Variants in LMX1A observed in about 807,000 individuals in gnomAD.
LMX1A encodes the protein LIM homeobox transcription factor 1-alpha.
In LMX1A, 15 loss-of-function variants were observed where a neutral mutation model predicts 49.1. The ratio of observed to expected loss-of-function variants is 0.31; its 90% CI spans 0.20 to 0.47. The LOEUF (loss-of-function observed/expected upper bound fraction) is 0.47, where lower values mean the gene tolerates loss of function less well. Ranked by LOEUF, LMX1A falls within the 20% of genes least tolerant of loss-of-function variation. LMX1A has a pLI of 1.00. For missense variants in LMX1A, 372 were observed against 475.8 expected, an observed-to-expected ratio of 0.78 and a Z score of 2.03; for synonymous variants, 167 against 185.7, an observed-to-expected ratio of 0.90 and a Z score of 0.82.
rs146395249 is a variant in LMX1A, at chr1:165,210,702, C to T, written c.744G>A (p.Ala248=). ...ATAAAAGTAAGAAGCAGGTTACCTT[C>T]GCTCTCTGGTTTTGGAACCACACCT... is the stretch of plus-strand genomic sequence containing the variant. ...VVQVWFQNQR[A]KMKKLARRQQ... is the part of the protein sequence containing the mutation. Residue 248 remains alanine (A), a synonymous_variant, in exon 6 of 9, where the codon GCG becomes GCA. Transcript: ENST00000342310. 1.4e-3 allele frequency: 2,189 copies of T among 1,612,230 alleles called. 3 individuals are homozygous for T. Among genetic ancestry groups the T allele is most frequent in the Middle Eastern group, 3.1e-3 (19 of 6,056 alleles).
At chr1:165,317,208 C>T (rs1557882536) in intron 3 of LMX1A, among the ~76,000 whole-genome samples, 1 of 151,968 alleles carries the variant, frequency 6.6e-6, no homozygotes, top group Non-Finnish European at 1.5e-5. Flanking sequence ...AGGTGAAACC[C>T]CAATAGTTCC....
intron 3 of LMX1A, among the ~76,000 whole-genome samples, chr1:165,349,499 ATGT>A (rs912752785): frequency 1.3e-5 from 2 of 152,222 alleles, no homozygotes; most frequent in African/African-American, 2.4e-5. Flanking sequence ...AATTGTGTAA[ATGT>A]TGTCATCCCA....
chr1:165,266,087 G>A (rs979818321), intron 3 of LMX1A, among the ~76,000 whole-genome samples: 1 of 152,156 alleles, frequency 6.6e-6, no homozygotes, highest in Non-Finnish European at 1.5e-5. Flanking sequence ...GAATATAACA[G>A]TAAACACACT....
At position 165,211,051 on chromosome 1, in the gene LMX1A, C is replaced by G. The variant is rs77720442; in HGVS notation, c.670-275G>C. The G allele has an allele frequency of 1.0e-2, 3,284 of 329,264 alleles. 18 individuals carry two copies. The highest frequency in any genetic ancestry group is 0.015 in the Non-Finnish European group (2,635 of 181,250). 20.4% of individuals were successfully genotyped at this position (329,264 alleles called of 1,614,324 possible). On this transcript the variant is annotated intron_variant, in intron 5 of 8. Transcript: ENST00000342310. ...GATTTCTCTTGCTCTGGAAATTAGG[C>G]CTTCAAGTGGTTTAGACTTTAGTCT...
intron 3 of LMX1A, among the ~76,000 whole-genome samples, chr1:165,343,428 T>C (rs1656142911): frequency 8.7e-6 from 1 of 114,962 alleles, no homozygotes; most frequent in South Asian, 2.7e-4. Context: ...ATAATAATAA[T>C]AATAACACCC....
chr1:165,314,907 C>T (rs1314505410), intron 3 of LMX1A, among the ~76,000 whole-genome samples: 2 of 152,168 alleles, frequency 1.3e-5, no homozygotes, highest in African/African-American at 4.8e-5. Context: ...ACAGCAATCA[C>T]AGGCAGCCCC....
intron 3 of LMX1A, among the ~76,000 whole-genome samples, chr1:165,349,601 C>T (rs1212799015): frequency 6.6e-6 from 1 of 150,432 alleles, no homozygotes; most frequent in African/African-American, 2.5e-5. Flanking sequence ...CAGTGTTCTA[C>T]ACTCTCACCT....
At chr1:165,310,927 T>G (rs4147088) in intron 3 of LMX1A, among the ~76,000 whole-genome samples, 132,997 of 152,224 alleles carry the variant, frequency 0.87, 58,171 homozygotes, top group Middle Eastern at 0.91. Context: ...ACAGGACAAT[T>G]AAAGAACTTT....
chr1:165,257,610 T>C (rs1571183856), intron 3 of LMX1A, among the ~76,000 whole-genome samples: 1 of 152,132 alleles, frequency 6.6e-6, no homozygotes, highest in South Asian at 2.1e-4. Flanking sequence ...TCCAAAGAGA[T>C]TGGGAAACAA....
At chr1:165,226,956 G>C in intron 4 of LMX1A, among the ~76,000 whole-genome samples, 1 of 152,186 alleles carries the variant, frequency 6.6e-6, no homozygotes, top group East Asian at 1.9e-4. Context: ...TCACAGTCTG[G>C]TGGAGGAGAA....
chr1:165,267,933 T>C lies in LMX1A; in HGVS notation c.264-18293A>G, dbSNP rs550937793. On this transcript the variant is annotated intron_variant, in intron 3 of 8. Transcript: ENST00000342310. ...AGTTTTACTAAAGAACACAGAGAAA[T>C]TGAGTGACAGACAGAGGGGGATCTA... is the stretch of plus-strand genomic sequence containing the variant. Among the ~76,000 whole-genome samples the C allele has an allele frequency of 6.6e-5, 10 of 152,210 alleles. No individual in the cohort carries two copies. In the East Asian group the frequency reaches 9.7e-4, roughly 15 times the overall value.
intron 4 of LMX1A, among the ~76,000 whole-genome samples, chr1:165,248,268 T>G (rs765800205): frequency 2.0e-5 from 3 of 152,094 alleles, no homozygotes; most frequent in African/African-American, 4.8e-5. Flanking sequence ...CGACAGGTGC[T>G]AGGGCCTAGT....
intron 4 of LMX1A, among the ~76,000 whole-genome samples, chr1:165,234,189 A>G (rs1440261758): frequency 6.6e-6 from 1 of 152,118 alleles, no homozygotes; most frequent in African/African-American, 2.4e-5. Flanking sequence ...CAACACTACA[A>G]TCCAGCCCTT....
At chr1:165,273,421 A>C (rs909049497) in intron 3 of LMX1A, among the ~76,000 whole-genome samples, 1 of 152,200 alleles carries the variant, frequency 6.6e-6, no homozygotes, top group African/African-American at 2.4e-5. Flanking sequence ...CCATTCACAC[A>C]GCCAATTCAC....
At chr1:165,212,265 G>T (rs1378353955) in intron 5 of LMX1A, among the ~76,000 whole-genome samples, 1 of 152,196 alleles carries the variant, frequency 6.6e-6, no homozygotes, top group Admixed American at 6.5e-5. Flanking sequence ...CCTTGCTTTG[G>T]CCTGTGGGAT....
intron 3 of LMX1A, among the ~76,000 whole-genome samples, chr1:165,316,672 T>C (rs1323186797): frequency 6.6e-6 from 1 of 152,166 alleles, no homozygotes; most frequent in East Asian, 1.9e-4. Flanking sequence ...CATGCCCTCA[T>C]TTTCATCCAC....
At chr1:165,316,278 C>G (rs1035286686) in intron 3 of LMX1A, among the ~76,000 whole-genome samples, 1 of 152,228 alleles carries the variant, frequency 6.6e-6, no homozygotes, top group Non-Finnish European at 1.5e-5. Context: ...CCTTCCCAGC[C>G]CCATGAACAC....
intron 3 of LMX1A, among the ~76,000 whole-genome samples, chr1:165,306,129 C>A (rs1654913899): frequency 6.6e-6 from 1 of 152,250 alleles, no homozygotes; most frequent in South Asian, 2.1e-4. Context: ...ACCCACCCAT[C>A]AGACATCCTT....
At chr1:165,272,355 G>A (rs969786679) in intron 3 of LMX1A, among the ~76,000 whole-genome samples, 1 of 152,200 alleles carries the variant, frequency 6.6e-6, no homozygotes, top group Non-Finnish European at 1.5e-5. Context: ...AGAGCCCACA[G>A]AGATCTGGTT....
Sources: gnomAD v4.1 joint callset for allele counts (sites outside exome capture counted in the v4.1 genomes callset) on GRCh38, gnomAD v4.1.1 for gene constraint, MANE v1.5 for transcripts, NCBI Gene and HGNC (gene_info 2026-07-23, HGNC 2026-07-21) for gene names.